Variants in THSD7B observed in about 807,000 individuals in gnomAD.
The protein encoded by THSD7B is thrombospondin type 1 domain containing 7B, also known as thrombospondin type-1 domain-containing protein 7B.
A neutral mutation model predicts 213.6 loss-of-function variants in THSD7B; 138 were observed. The observed-to-expected ratio is 0.65, with a 90% CI of 0.56 to 0.74. THSD7B has a LOEUF of 0.74. THSD7B is among the 30% of genes least tolerant of loss of function. The pLI is 0.00. For missense variants in THSD7B, 1,931 were observed against 1,991.5 expected (o/e 0.97, Z 0.58); for synonymous variants, 742 against 687.0 (o/e 1.08, Z -1.25).
intron 6 of THSD7B, among the ~76,000 whole-genome samples, chr2:137,160,645 A>G (rs1275636594): frequency 6.6e-6 from 1 of 152,110 alleles, no homozygotes; most frequent in East Asian, 1.9e-4. Flanking sequence ...GTTTTCCAAG[A>G]TGAGGTCTTG....
chr2:137,426,029 A>G (rs1687047133), intron 14 of THSD7B, among the ~76,000 whole-genome samples: 1 of 152,212 alleles, frequency 6.6e-6, no homozygotes, highest in South Asian at 2.1e-4. Flanking sequence ...GCGTTTTTAT[A>G]TACTAAAACC....
At chr2:137,205,458 A>T (rs185940175) in intron 7 of THSD7B, among the ~76,000 whole-genome samples, 5 of 148,370 alleles carry the variant, frequency 3.4e-5, no homozygotes, top group Admixed American at 1.4e-4. Context: ...GTTGCCAGGA[A>T]ATTAATGAAA....
intron 1 of THSD7B, among the ~76,000 whole-genome samples, chr2:136,836,539 C>G (rs1682845020): frequency 6.6e-6 from 1 of 152,206 alleles, no homozygotes; most frequent in Non-Finnish European, 1.5e-5. Context: ...GGGAGCTTAG[C>G]ACCTCACTGG....
intron 12 of THSD7B, among the ~76,000 whole-genome samples, chr2:137,305,964 C>T (rs1227017572): frequency 6.6e-6 from 1 of 152,096 alleles, no homozygotes; most frequent in African/African-American, 2.4e-5. Context: ...ATCTGCTTAG[C>T]TAAACATAGA....
At chr2:137,009,624 G>A (rs34800387) in intron 2 of THSD7B, among the ~76,000 whole-genome samples, 18,640 of 152,144 alleles carry the variant, frequency 0.12, 1,727 homozygotes, top group Non-Finnish European at 0.2. Context: ...AGACAAGAGA[G>A]AATGAAAACC....
intron 8 of THSD7B, 54 bp from the exon 9 acceptor site, chr2:137,232,845 C>G: frequency 6.4e-7 from 1 of 1,565,470 alleles, no homozygotes; most frequent in Non-Finnish European, 8.7e-7. Context: ...GCAGAAACAA[C>G]AAAAACAAGA....
chr2:136,993,448 T>C (rs779380386), intron 2 of THSD7B, among the ~76,000 whole-genome samples: 25 of 152,056 alleles, frequency 1.6e-4, no homozygotes, highest in Admixed American at 2.0e-4. Flanking sequence ...ATAAGACAAA[T>C]AGTAAGTGAC....
chr2:136,968,549 T>A lies in THSD7B; in HGVS notation c.139+86232T>A, dbSNP rs554967045. On this transcript the variant is annotated intron_variant, in intron 2 of 27. Coordinates refer to ENST00000409968, the MANE Select transcript of THSD7B (RefSeq NM_001316349.2). ...GTTATATATGATGCAAATATATTTT[T>A]CTGCCATGTCTGTATTTTCGCTTTC... Among the ~76,000 whole-genome samples, 7 of 152,262 alleles carry A rather than the reference T, an allele frequency of 4.6e-5. No homozygotes were observed. In the South Asian group the frequency reaches 1.5e-3, roughly 32 times the overall value.
At chr2:137,641,308 G>T (rs1196106755) in intron 20 of THSD7B, among the ~76,000 whole-genome samples, 1 of 152,104 alleles carries the variant, frequency 6.6e-6, no homozygotes, top group Admixed American at 6.5e-5. Flanking sequence ...CCTCTGTGTG[G>T]CGTACTCTCT....
intron 10 of THSD7B, among the ~76,000 whole-genome samples, chr2:137,259,990 T>G (rs992646712): frequency 6.6e-6 from 1 of 152,130 alleles, no homozygotes; most frequent in African/African-American, 2.4e-5. Context: ...CTGATTTCTC[T>G]TATCCAGTAA....
chr2:137,285,723 C>A (rs1558742905), intron 12 of THSD7B, among the ~76,000 whole-genome samples: 2 of 151,972 alleles, frequency 1.3e-5, no homozygotes, highest in Non-Finnish European at 2.9e-5. Context: ...CATGTATTTA[C>A]CATTTTTGCC....
At chr2:137,061,825 C>A (rs1687279949) in intron 3 of THSD7B, among the ~76,000 whole-genome samples, 1 of 151,668 alleles carries the variant, frequency 6.6e-6, no homozygotes, top group South Asian at 2.1e-4. Flanking sequence ...GTTGTCCTTA[C>A]TTGTAATGTC....
Position 137,056,679 on chromosome 2 carries a change from G to C in THSD7B, c.399G>C (p.Thr133=). 14 of 1,613,960 alleles carry C rather than the reference G, an allele frequency of 8.7e-6. No individual in the cohort carries two copies. The highest frequency in any genetic ancestry group is 1.2e-5 in the Non-Finnish European group (14 of 1,179,888). The stretch of plus-strand genomic sequence containing the variant: ...AGCCTCGGACTGCAGAGTGTGTGAC[G>C]GCTCAGCATGGACTGCAGCACCGGA... The part of the protein sequence containing the change: ...EVKPRTAECV[T]AQHGLQHRMV... Residue 133 remains threonine (T), a synonymous_variant, in exon 3 of 28, where the codon ACG becomes ACC. Coordinates refer to ENST00000409968, the MANE Select transcript of THSD7B (RefSeq NM_001316349.2).
intron 10 of THSD7B, among the ~76,000 whole-genome samples, chr2:137,269,671 G>A (rs971670322): frequency 2.0e-5 from 3 of 152,152 alleles, no homozygotes; most frequent in African/African-American, 4.8e-5. Context: ...ATTGGGAGTA[G>A]GGGAAGAGAC....
chr2:137,601,591 T>A (rs1682076973), intron 17 of THSD7B, among the ~76,000 whole-genome samples: 1 of 152,238 alleles, frequency 6.6e-6, no homozygotes, highest in Non-Finnish European at 1.5e-5. Context: ...AATTGCCTAA[T>A]GATGGATTTC....
At chr2:136,840,176 T>G (rs1682901219) in intron 1 of THSD7B, among the ~76,000 whole-genome samples, 1 of 151,922 alleles carries the variant, frequency 6.6e-6, no homozygotes, top group South Asian at 2.1e-4. Flanking sequence ...GTTAGGAATT[T>G]GAGACCAGCC....
chr2:136,968,798 T>G (rs571091801), intron 2 of THSD7B, among the ~76,000 whole-genome samples: 1 of 152,254 alleles, frequency 6.6e-6, no homozygotes, highest in East Asian at 1.9e-4. Context: ...GCCTTTAAAC[T>G]TTTTTGGTTT....
chr2:137,142,886 C>A (rs13428896), intron 5 of THSD7B, among the ~76,000 whole-genome samples: 37,344 of 151,896 alleles, frequency 0.25, 4,829 homozygotes, highest in African/African-American at 0.32. Context: ...TGGAATATGC[C>A]TACACAGGCA....
chr2:137,413,207 A>G (rs1558789283), intron 14 of THSD7B, among the ~76,000 whole-genome samples: 1 of 152,170 alleles, frequency 6.6e-6, no homozygotes. Flanking sequence ...TTTGACTTTC[A>G]GAAACATTAA....
Sources: allele counts gnomAD v4.1 joint callset (sites outside exome capture counted in the v4.1 genomes callset), GRCh38; gene constraint gnomAD v4.1.1; transcripts MANE v1.5; gene names NCBI Gene and HGNC (gene_info 2026-07-23, HGNC 2026-07-21).